Variants in PRMT3 observed in about 807,000 individuals in gnomAD.
PRMT3 encodes protein arginine N-methyltransferase 3.
A neutral mutation model predicts 71.9 loss-of-function variants in PRMT3; 62 were observed. The ratio of observed to expected loss-of-function variants is 0.86; its 90% CI spans 0.70 to 1.07. The LOEUF (loss-of-function observed/expected upper bound fraction) is 1.07. PRMT3 is among the 50% of genes least tolerant of loss of function. The pLI, the probability that PRMT3 is intolerant of heterozygous loss-of-function variation, is 0.00. For synonymous variants in PRMT3, 213 were observed against 220.4 expected, an observed-to-expected ratio of 0.97 and a Z score of 0.30; for missense variants, 663 against 643.0, an observed-to-expected ratio of 1.03 and a Z score of -0.34.
At chr11:20,473,859 G>A (rs2120309) in intron 13 of PRMT3, among the ~76,000 whole-genome samples, 109,619 of 152,024 alleles carry the variant, frequency 0.72, 40,987 homozygotes, top group South Asian at 0.85. Context: ...TAGCATTTTT[G>A]TGTTGATCCT....
rs571155133 is a variant in PRMT3 at position 20,433,390 on chromosome 11, C to CT, written c.993+6531dup. On this transcript the variant is annotated intron_variant, in intron 10 of 15. Transcript: ENST00000331079. ...TTCCCACAAAAGACATGATCTCATT[C>CT]TTTTTTATGGCTGCAATAGTATTCT... Among the ~76,000 whole-genome samples, 143 of 152,230 alleles carry CT rather than the reference C, an allele frequency of 9.4e-4. 2 individuals are homozygous for CT. Among genetic ancestry groups the CT allele is most frequent in the South Asian group, 8.1e-3 (39 of 4,822 alleles).
chr11:20,406,034 T>C (rs1849062484), intron 8 of PRMT3: 1 of 152,228 alleles, frequency 6.6e-6, no homozygotes, highest in Non-Finnish European at 1.5e-5. Flanking sequence ...ACTACTCATA[T>C]ACATCATATA....
At chr11:20,415,017 GGT>G (rs377570784) in intron 9 of PRMT3, among the ~76,000 whole-genome samples, 2,034 of 135,356 alleles carry the variant, frequency 0.015, 23 homozygotes, top group South Asian at 0.04. Flanking sequence ...TGGTGGTAGT[GGT>G]GTGTGTGTGT....
At position 20,392,247 on chromosome 11, in the gene PRMT3, T is replaced by G; in HGVS notation, c.284T>G (p.Phe95Cys). The G allele has an allele frequency of 6.4e-7, 1 of 1,560,996 alleles. No individual in the cohort carries two copies. The highest frequency in any genetic ancestry group is 2.3e-5 in the East Asian group (1 of 43,782). Reference sequence around the variant, plus strand: ...TATGGATACATTAAGCTAATAAATTTTATTAGACTTAAGGTAAGTTGACAG... The same window carrying G: ...TATGGATACATTAAGCTAATAAATTGTATTAGACTTAAGGTAAGTTGACAG... ...EFYGYIKLINFIRLKNPTVEY... is the reference protein window; with the variant it reads ...EFYGYIKLINCIRLKNPTVEY... The change falls in exon 4 of 16, where the codon TTT (phenylalanine) becomes TGT (cysteine). Residue 95 changes from phenylalanine (F) to cysteine (C), a missense_variant. Coordinates refer to ENST00000331079, the MANE Select transcript of PRMT3 (RefSeq NM_005788.4).
chr11:20,395,796 T>C lies in PRMT3; in HGVS notation c.401-7T>C, dbSNP rs774797658. 15 of 1,606,518 alleles carry C rather than the reference T, an allele frequency of 9.3e-6. No homozygotes were observed. In the African/African-American group the frequency reaches 1.6e-4, roughly 17 times the overall value. ...GGCCTGATAATAATGTCCATTTATT[T>C]CTTTAGATGTAGAAGATCTTTATGA... On this transcript the variant is annotated splice_polypyrimidine_tract_variant and splice_region_variant and intron_variant, in intron 5 of 15. Transcript: ENST00000331079.
chr11:20,489,552 A>C (rs970946553), intron 13 of PRMT3, among the ~76,000 whole-genome samples: 1 of 152,148 alleles, frequency 6.6e-6, no homozygotes, highest in Non-Finnish European at 1.5e-5. Context: ...AACATTTAAA[A>C]GATGTTAAGA....
At chr11:20,444,650 A>G (rs1849983263) in intron 10 of PRMT3, among the ~76,000 whole-genome samples, 1 of 152,104 alleles carries the variant, frequency 6.6e-6, no homozygotes, top group African/African-American at 2.4e-5. Context: ...ATTTGTTCAG[A>G]CTTGCTTTAT....
chr11:20,409,092 T>G (rs1849135466), intron 9 of PRMT3, among the ~76,000 whole-genome samples: 1 of 152,074 alleles, frequency 6.6e-6, no homozygotes, highest in Admixed American at 6.6e-5. Flanking sequence ...GCAAGACACT[T>G]TCTCCAAAAA....
intron 13 of PRMT3, among the ~76,000 whole-genome samples, chr11:20,492,137 A>G (rs1470165590): frequency 6.6e-6 from 1 of 152,224 alleles, no homozygotes; most frequent in Non-Finnish European, 1.5e-5. Flanking sequence ...GTAATATACT[A>G]TCGTAACTAA....
At chr11:20,488,527 ACT>A (rs1851133543) in intron 13 of PRMT3, among the ~76,000 whole-genome samples, 1 of 151,928 alleles carries the variant, frequency 6.6e-6, no homozygotes, top group South Asian at 2.1e-4. Context: ...GCTTGGATAA[ACT>A]CCATCAAAAG....
In PRMT3 at chr11:20,508,407, C is replaced by T. The variant is rs745428854; in HGVS notation, c.1590C>T (p.Leu530=). 6.3e-7 allele frequency: 1 copy of T among 1,595,618 alleles called. No homozygotes were observed. Among genetic ancestry groups the T allele is most frequent in the East Asian group, 2.2e-5 (1 of 44,760 alleles). ...TLNNSTQTYG[L]Q The stretch of plus-strand genomic sequence containing the variant: ...ATAATTCAACTCAAACTTATGGTCT[C>T]CAGTGAAACAGCCATAAAAGCACAC... The change falls in exon 16 of 16, where the codon CTC becomes CTT. Residue 530 remains leucine (L), a synonymous_variant. Coordinates refer to ENST00000331079, the MANE Select transcript of PRMT3 (RefSeq NM_005788.4).
At chr11:20,489,670 T>C (rs574817003) in intron 13 of PRMT3, among the ~76,000 whole-genome samples, 7 of 152,280 alleles carry the variant, frequency 4.6e-5, no homozygotes, top group Non-Finnish European at 7.4e-5. Context: ...TCAGCTGATA[T>C]TTGGTTATAT....
At chr11:20,412,410 C>T (rs12802026) in intron 9 of PRMT3, among the ~76,000 whole-genome samples, 18,555 of 151,324 alleles carry the variant, frequency 0.12, 1,522 homozygotes, top group Non-Finnish European at 0.18. Context: ...CCCCCCCCAC[C>T]TTTGTTTTGA....
chr11:20,471,093 T>C (rs1046996168), intron 13 of PRMT3, among the ~76,000 whole-genome samples: 2 of 152,160 alleles, frequency 1.3e-5, no homozygotes, highest in Non-Finnish European at 2.9e-5. Flanking sequence ...AAATTTGCAT[T>C]AGTTCTCGGT....
intron 10 of PRMT3, among the ~76,000 whole-genome samples, chr11:20,451,609 C>T (rs1013523082): frequency 2.0e-5 from 3 of 152,088 alleles, no homozygotes; most frequent in Non-Finnish European, 4.4e-5. Flanking sequence ...CCAGGCCATT[C>T]TTTCTTGTAA....
chr11:20,449,784 A>G lies in PRMT3; in HGVS notation c.994-2346A>G, dbSNP rs1850108757. Among the ~76,000 whole-genome samples the G allele has an allele frequency of 2.6e-5, 4 of 152,224 alleles. No homozygotes were observed. The South Asian group carries it at 8.3e-4, about 32-fold the overall frequency. ...CATTTTAACAAATATAATATTACAC[A>G]TAGTATTAATAACTTTTATTTATTC... On this transcript the variant is annotated intron_variant, in intron 10 of 15. Transcript: ENST00000331079.
At chr11:20,413,817 T>A (rs1849245467) in intron 9 of PRMT3, among the ~76,000 whole-genome samples, 1 of 152,178 alleles carries the variant, frequency 6.6e-6, no homozygotes, top group Non-Finnish European at 1.5e-5. Flanking sequence ...ACTTGTCTAT[T>A]CTTGCATATT....
intron 8 of PRMT3, chr11:20,407,036 A>G (rs1565198254): frequency 6.6e-6 from 1 of 152,168 alleles, no homozygotes; most frequent in African/African-American, 2.4e-5. Context: ...TGCGAGCACA[A>G]TTATAAGGTA....
At chr11:20,444,529 A>G (rs911427150) in intron 10 of PRMT3, among the ~76,000 whole-genome samples, 73 of 152,160 alleles carry the variant, frequency 4.8e-4, no homozygotes, top group African/African-American at 1.5e-3. Context: ...ATTTAGAAGC[A>G]TGTTTAATTT....
Sources: gnomAD v4.1 joint callset for allele counts (sites outside exome capture counted in the v4.1 genomes callset) on GRCh38, gnomAD v4.1.1 for gene constraint, MANE v1.5 for transcripts, NCBI Gene and HGNC (gene_info 2026-07-23, HGNC 2026-07-21) for gene names.